Variants in SEC23IP observed in about 807,000 individuals in gnomAD.
SEC23IP encodes SEC23-interacting protein.
SEC23IP carries 70 observed loss-of-function variants against 113.4 expected under a neutral mutation model. The ratio of observed to expected loss-of-function variants is 0.62; its 90% CI spans 0.51 to 0.75. The LOEUF (loss-of-function observed/expected upper bound fraction) is 0.75, where lower values mean the gene tolerates loss of function less well. SEC23IP is among the 30% of genes least tolerant of loss of function. The pLI is 0.00. For missense variants in SEC23IP, 1,160 were observed against 1,204.9 expected, an observed-to-expected ratio of 0.96 and a Z score of 0.55; for synonymous variants, 398 against 421.0, an observed-to-expected ratio of 0.95 and a Z score of 0.67.
intron 13 of SEC23IP, 63 bp downstream of exon 13, chr10:119,926,290 G>T: frequency 6.9e-7 from 1 of 1,441,782 alleles, no homozygotes; most frequent in South Asian, 1.4e-5. Context: ...TTATCATTTG[G>T]GTTGGCTTTA....
chr10:119,906,154 T>A (rs1386975586), intron 4 of SEC23IP, among the ~76,000 whole-genome samples: 1 of 151,860 alleles, frequency 6.6e-6, no homozygotes, highest in South Asian at 2.1e-4. Context: ...TGGTGGCCCA[T>A]GCCTGTGGTC....
intron 1 of SEC23IP, among the ~76,000 whole-genome samples, chr10:119,895,616 C>T (rs948942256): frequency 6.6e-6 from 1 of 152,152 alleles, no homozygotes; most frequent in Non-Finnish European, 1.5e-5. Context: ...AATGGATGTC[C>T]CTTAGGCCTT....
At chr10:119,895,417 G>T (rs2134446095) in intron 1 of SEC23IP, among the ~76,000 whole-genome samples, 1 of 152,266 alleles carries the variant, frequency 6.6e-6, no homozygotes, top group South Asian at 2.1e-4. Context: ...GTTTCTATTT[G>T]CCAGGCACTG....
chr10:119,894,145 G>A lies in SEC23IP; in HGVS notation c.163+1200G>A, dbSNP rs141191727. On this transcript the variant is annotated intron_variant, in intron 1 of 18. Transcript: ENST00000369075. ...TTTTGCAAAGCGCTAAGTATAGTGC[G>A]TGCCAGACAGTGTGATTTAATGTTT... Among the ~76,000 whole-genome samples the A allele has an allele frequency of 2.4e-3, 362 of 152,260 alleles. 1 individual carries two copies. Among genetic ancestry groups the A allele is most frequent in the African/African-American group, 7.9e-3 (328 of 41,558 alleles).
chr10:119,901,511 A>G (rs1312376706), intron 2 of SEC23IP, among the ~76,000 whole-genome samples: 2 of 152,074 alleles, frequency 1.3e-5, no homozygotes. Flanking sequence ...TTTATTAGCT[A>G]TGATTTTATA....
intron 18 of SEC23IP, among the ~76,000 whole-genome samples, chr10:119,939,513 A>G (rs1855896082): frequency 6.6e-6 from 1 of 151,816 alleles, no homozygotes; most frequent in East Asian, 2.0e-4. Flanking sequence ...TGTCTCTACT[A>G]AAAATACAAA....
In SEC23IP at chr10:119,917,904, ATATTT is replaced by A. The variant is rs779282408; in HGVS notation, c.1622_1626del (p.Phe541Ter). On this transcript the variant is annotated frameshift_variant, in exon 9 of 19. Transcript: ENST00000369075. LOFTEE classifies it high-confidence loss of function. ...CACTTTACCAATGAAACTTTGCTAGATATTTTATTTTATAACAGCCCCACCTACTG... is the reference window on the plus strand; with the variant it reads ...CACTTTACCAATGAAACTTTGCTAGATATTTTATAACAGCCCCACCTACTG... 13 of 1,613,980 alleles carry A rather than the reference ATATTT, an allele frequency of 8.1e-6. No individual in the cohort carries two copies. The highest frequency in any genetic ancestry group is 8.5e-7 in the Non-Finnish European group (1 of 1,179,982).
At chr10:119,918,727 C>G (rs1341785780) in intron 10 of SEC23IP, among the ~76,000 whole-genome samples, 2 of 152,144 alleles carry the variant, frequency 1.3e-5, no homozygotes, top group Non-Finnish European at 2.9e-5. Flanking sequence ...GCATCAATAA[C>G]TCTTCAGAGA....
At position 119,941,118 on chromosome 10, in the gene SEC23IP, T is replaced by G. The variant is rs765299411; in HGVS notation, c.*553T>G. The G allele has an allele frequency of 6.6e-6, 1 of 152,198 alleles. No homozygotes were observed. Among genetic ancestry groups the G allele is most frequent in the Non-Finnish European group, 1.5e-5 (1 of 68,036 alleles). 9.4% of individuals were successfully genotyped at this position (152,198 alleles called of 1,614,324 possible). A position where few individuals can be genotyped will look rare whatever the true frequency, so the allele number is the denominator to read the frequency against. On this transcript the variant is annotated 3_prime_UTR_variant, in exon 19 of 19. Coordinates refer to ENST00000369075, the MANE Select transcript of SEC23IP (RefSeq NM_007190.4). The stretch of plus-strand genomic sequence containing the variant: ...GTCATTTATATTTGTTAAGAGGAAA[T>G]AATCAAGATCACTCATATCCCAACT...
chr10:119,912,529 G>A (rs1472676495), intron 6 of SEC23IP, among the ~76,000 whole-genome samples: 1 of 152,020 alleles, frequency 6.6e-6, no homozygotes, highest in African/African-American at 2.4e-5. Context: ...TGCATAGAAT[G>A]TGTAATGATG....
intron 5 of SEC23IP, among the ~76,000 whole-genome samples, chr10:119,909,891 A>G (rs549923528): frequency 1.3e-5 from 2 of 152,380 alleles, no homozygotes; most frequent in South Asian, 4.1e-4. Flanking sequence ...GTCTAAATAA[A>G]TAAATAAAAT....
At chr10:119,894,483 A>G (rs1483856128) in intron 1 of SEC23IP, among the ~76,000 whole-genome samples, 1 of 152,246 alleles carries the variant, frequency 6.6e-6, no homozygotes, top group South Asian at 2.1e-4. Flanking sequence ...ATGTAAGACC[A>G]TGAAAGCAAA....
At chr10:119,919,346 GT>G (rs1855163230) in intron 10 of SEC23IP, 97 bp from the exon 11 acceptor site, 11 of 1,165,970 alleles carry the variant, frequency 9.4e-6, no homozygotes, top group Non-Finnish European at 1.2e-5. Flanking sequence ...TATGATTTCT[GT>G]GTAAAGCAAA....
rs1488892914 is a variant in SEC23IP, at chr10:119,932,298, A to C, written c.2738A>C (p.Glu913Ala). 4.3e-6 allele frequency: 7 copies of C among 1,611,652 alleles called. No individual in the cohort carries two copies. Among genetic ancestry groups the C allele is most frequent in the Non-Finnish European group, 5.9e-6 (7 of 1,179,066 alleles). ...GTGGCCAATCAGATCAAAGAAGAAG[A>C]AGAAAAGCAAGTAGTTGAAGGTAAA... ...EKVANQIKEE[E>A]EKQVVEAEKV... Residue 913 changes from glutamate to alanine, a missense_variant, in exon 16 of 19, where the codon GAA (glutamate) becomes GCA (alanine). Physicochemically the swap from Glu to Ala is moderately radical, Grantham distance 107. Coordinates refer to ENST00000369075, the MANE Select transcript of SEC23IP (RefSeq NM_007190.4).
In SEC23IP at chr10:119,906,337, A is replaced by G. The variant is rs140821487; in HGVS notation, c.1101+2060A>G. ...TAAACATTATGTTCATGTAGGCACT[A>G]TCATAAAAGATGTCAATTCTTCCCA... On this transcript the variant is annotated intron_variant, in intron 4 of 18. Coordinates refer to ENST00000369075, the MANE Select transcript of SEC23IP (RefSeq NM_007190.4). Among the ~76,000 whole-genome samples, 1,227 of 151,036 alleles carry G rather than the reference A, an allele frequency of 8.1e-3. 10 individuals are homozygous for G. Among genetic ancestry groups the G allele is most frequent in the Non-Finnish European group, 0.012 (838 of 67,852 alleles).
intron 1 of SEC23IP, among the ~76,000 whole-genome samples, chr10:119,895,179 T>G (rs1589817718): frequency 6.6e-6 from 1 of 151,374 alleles, no homozygotes; most frequent in Non-Finnish European, 1.5e-5. Flanking sequence ...AGGTCAGGAG[T>G]TCAAGACCAA....
At position 119,941,792 on chromosome 10, in the gene SEC23IP, C is replaced by T. The variant is rs1027681306; in HGVS notation, c.*1227C>T. On this transcript the variant is annotated 3_prime_UTR_variant, in exon 19 of 19. Coordinates refer to ENST00000369075, the MANE Select transcript of SEC23IP (RefSeq NM_007190.4). ...TGTCCCCATGAACTCAGTGTTTATT[C>T]CCTTTTCATTTTGAGTACCTGCTTA... is the stretch of plus-strand genomic sequence containing the variant. The T allele has an allele frequency of 3.3e-5, 5 of 152,620 alleles. No homozygotes were observed. The highest frequency in any genetic ancestry group is 1.2e-4 in the African/African-American group (5 of 41,454). The allele number at this position is 152,620 out of a possible 1,614,324, so 9.5% of individuals were successfully genotyped here. A position where few individuals can be genotyped will look rare whatever the true frequency, so the allele number is the denominator to read the frequency against.
chr10:119,923,527 T>C (rs1347833949), intron 12 of SEC23IP, among the ~76,000 whole-genome samples: 1 of 152,060 alleles, frequency 6.6e-6, no homozygotes, highest in Admixed American at 6.6e-5. Context: ...GGGATATTGA[T>C]AGTCAAGTAT....
chr10:119,928,253 G>T (rs1855485309), intron 13 of SEC23IP, among the ~76,000 whole-genome samples: 1 of 151,608 alleles, frequency 6.6e-6, no homozygotes, highest in Non-Finnish European at 1.5e-5. Context: ...TTTCTATTTG[G>T]TTTCTTTTTT....
Sources: gnomAD v4.1 joint callset for allele counts (sites outside exome capture counted in the v4.1 genomes callset) on GRCh38, gnomAD v4.1.1 for gene constraint, MANE v1.5 for transcripts, NCBI Gene and HGNC (gene_info 2026-07-23, HGNC 2026-07-21) for gene names.